Variants in MTMR9 observed in about 807,000 individuals in gnomAD.
MTMR9 encodes myotubularin related protein 9.
MTMR9 carries 39 observed loss-of-function variants against 69.5 expected under a neutral mutation model. The observed-to-expected ratio is 0.56, with a 90% CI of 0.43 to 0.73. MTMR9 has a LOEUF of 0.73. Among genes scored for constraint, MTMR9 ranks in the 30% least tolerant of loss-of-function variants. The pLI is 0.00. For missense variants in MTMR9, 900 were observed against 671.2 expected, an observed-to-expected ratio of 1.34 and a Z score of -3.77; for synonymous variants, 354 against 240.8, an observed-to-expected ratio of 1.47 and a Z score of -4.35.
At chr8:11,316,944 C>T (rs1800446237) in intron 8 of MTMR9, 51 bp downstream of exon 8, 2 of 1,288,962 alleles carry the variant, frequency 1.6e-6, no homozygotes, top group African/African-American at 1.5e-5. Context: ...GTTTTGGCTA[C>T]TTCCTAAGTA....
chr8:11,303,810 A>T (rs1251407922), intron 3 of MTMR9, among the ~76,000 whole-genome samples: 1 of 152,208 alleles, frequency 6.6e-6, no homozygotes. Flanking sequence ...CCGGGATGAT[A>T]GGTGTGAACC....
chr8:11,309,741 T>G, intron 6 of MTMR9, 53 bp downstream of exon 6: 1 of 1,586,902 alleles, frequency 6.3e-7, no homozygotes, highest in Non-Finnish European at 8.6e-7. Flanking sequence ...TAACTAGACT[T>G]TGTGTTTATC....
intron 5 of MTMR9, among the ~76,000 whole-genome samples, chr8:11,306,686 A>AT (rs754056380): frequency 4.2e-4 from 64 of 152,182 alleles, no homozygotes; most frequent in South Asian, 6.2e-4. Flanking sequence ...CATAGTTATC[A>AT]TTTTTTTGGA....
At position 11,298,382 on chromosome 8, in the gene MTMR9, AAT is replaced by A. The variant is rs113127569; in HGVS notation, c.292-1626_292-1625del. Among the ~76,000 whole-genome samples the A allele has an allele frequency of 2.3e-3, 346 of 150,502 alleles. 2 individuals are homozygous for A. Among genetic ancestry groups the A allele is most frequent in the African/African-American group, 7.4e-3 (306 of 41,100 alleles). The stretch of plus-strand genomic sequence containing the variant: ...CCAAAGACAGTATAGATGTAGGAAA[AAT>A]ATATATATATATATTTATATGGATA... On this transcript the variant is annotated intron_variant, in intron 2 of 9. Coordinates refer to ENST00000221086, the MANE Select transcript of MTMR9 (RefSeq NM_015458.4).
chr8:11,291,692 C>T (rs1799385370), intron 1 of MTMR9, among the ~76,000 whole-genome samples: 1 of 151,904 alleles, frequency 6.6e-6, no homozygotes, highest in African/African-American at 2.4e-5. Context: ...ATAGCAACTA[C>T]ATAAAACCTG....
intron 3 of MTMR9, among the ~76,000 whole-genome samples, chr8:11,303,163 A>G (rs1026209732): frequency 1.4e-5 from 2 of 148,124 alleles, no homozygotes; most frequent in African/African-American, 5.0e-5. Flanking sequence ...GAAGAACAAA[A>G]AGGTGAGAGG....
In MTMR9 at chr8:11,325,996, G is replaced by A. The variant is rs3779891; in HGVS notation, c.*3208G>A. ...TTGAACTTTGAGGCCTGATTTAGGG[G>A]TGGGATTTTATTGCTTTTTGTTTTA... is the stretch of plus-strand genomic sequence containing the variant. On this transcript the variant is annotated 3_prime_UTR_variant, in exon 10 of 10. Coordinates refer to ENST00000221086, the MANE Select transcript of MTMR9 (RefSeq NM_015458.4). 0.4 allele frequency: 61,327 copies of A among 152,012 alleles called. 13,942 individuals carry two copies. Among genetic ancestry groups the A allele is most frequent in the East Asian group, 0.73 (3,779 of 5,174 alleles). 9.4% of individuals were successfully genotyped at this position (152,012 alleles called of 1,614,324 possible).
At chr8:11,335,790 G>T in the MTMR9 span, among the ~76,000 whole-genome samples, 2 of 152,122 alleles carry the variant, frequency 1.3e-5, no homozygotes, top group Non-Finnish European at 2.9e-5. Context: ...CTCCCTGTGT[G>T]CATGTCTCTG....
chr8:11,300,133 A>G lies in MTMR9; in HGVS notation c.402A>G (p.Glu134=). Reference sequence around the variant, plus strand: ...CCTTCCTTCCTGAGCAAGAATTTGAACTCTATTCTTCAGCTGTGAGTTAAC... The same window carrying G: ...CCTTCCTTCCTGAGCAAGAATTTGAGCTCTATTCTTCAGCTGTGAGTTAAC... ...WHSFLPEQEF[E]LYSSATSEWR... is the part of the protein sequence containing the mutation. Residue 134 remains glutamate, a synonymous_variant, in exon 3 of 10, where the codon GAA becomes GAG. Coordinates refer to ENST00000221086, the MANE Select transcript of MTMR9 (RefSeq NM_015458.4). The G allele has an allele frequency of 6.2e-7, 1 of 1,612,982 alleles. No homozygotes were observed. The highest frequency in any genetic ancestry group is 8.5e-7 in the Non-Finnish European group (1 of 1,179,306).
chr8:11,285,351 G>C (rs1799110448), intron 1 of MTMR9: 1 of 331,282 alleles, frequency 3.0e-6, no homozygotes, highest in Non-Finnish European at 5.5e-6. Flanking sequence ...TTTCGGCATT[G>C]TCTTTATAAA....
the MTMR9 span, among the ~76,000 whole-genome samples, chr8:11,334,220 GGTAAA>G: frequency 6.6e-6 from 1 of 152,098 alleles, no homozygotes; most frequent in East Asian, 1.9e-4. Flanking sequence ...CTAAGACACT[GGTAAA>G]GTAAATACAA....
At chr8:11,302,380 G>A (rs1799780996) in intron 3 of MTMR9, among the ~76,000 whole-genome samples, 1 of 148,706 alleles carries the variant, frequency 6.7e-6, no homozygotes, top group Non-Finnish European at 1.5e-5. Flanking sequence ...GAACCCTTAA[G>A]CTGAGGTATC....
intron 3 of MTMR9, among the ~76,000 whole-genome samples, chr8:11,304,542 G>A (rs1481851203): frequency 6.6e-6 from 1 of 152,192 alleles, no homozygotes; most frequent in Non-Finnish European, 1.5e-5. Context: ...CTTGTACGGT[G>A]TTGTCTGAAA....
At chr8:11,297,802 G>C in intron 2 of MTMR9, 1 of 451,702 alleles carries the variant, frequency 2.2e-6, no homozygotes, top group East Asian at 7.0e-5. Flanking sequence ...CGTAAATTAT[G>C]AGCTCATTTG....
At chr8:11,317,106 C>G in intron 8 of MTMR9, 1 of 367,978 alleles carries the variant, frequency 2.7e-6, no homozygotes, top group Non-Finnish European at 4.8e-6. Context: ...TAAAATTAGT[C>G]CATACGTGAA....
chr8:11,331,432 T>G, downstream of MTMR9: 1 of 1,614,036 alleles, frequency 6.2e-7, no homozygotes. Flanking sequence ...TTCTGTGCCC[T>G]GCTCAACGTC....
chr8:11,317,941 A>G (rs537234611), intron 8 of MTMR9: 15 of 152,258 alleles, frequency 9.9e-5, no homozygotes, highest in African/African-American at 3.1e-4. Flanking sequence ...TCTATAGCCA[A>G]GGAAGTTTGG....
In MTMR9 at chr8:11,323,673, TG is replaced by T. The variant is rs1263046735; in HGVS notation, c.*886del. ...TCTTAAACCAGAGATGCACTGCCCTTGTCTAAAGTTCTTATTGCACTGGTTT... is the reference window on the plus strand; with the variant it reads ...TCTTAAACCAGAGATGCACTGCCCTTTCTAAAGTTCTTATTGCACTGGTTT... On this transcript the variant is annotated 3_prime_UTR_variant, in exon 10 of 10. Coordinates refer to ENST00000221086, the MANE Select transcript of MTMR9 (RefSeq NM_015458.4). The T allele has an allele frequency of 6.6e-6, 1 of 152,236 alleles. No homozygotes were observed. Among genetic ancestry groups the T allele is most frequent in the Non-Finnish European group, 1.5e-5 (1 of 68,038 alleles). The allele number at this position is 152,236 out of a possible 1,614,324, so 9.4% of individuals were successfully genotyped here.
intron 5 of MTMR9, among the ~76,000 whole-genome samples, chr8:11,307,122 A>G (rs1563276769): frequency 6.6e-6 from 1 of 152,134 alleles, no homozygotes; most frequent in Non-Finnish European, 1.5e-5. Context: ...GCCAGGCTGG[A>G]GTGCAGTGGC....
Sources: gnomAD v4.1 joint callset for allele counts (sites outside exome capture counted in the v4.1 genomes callset) on GRCh38, gnomAD v4.1.1 for gene constraint, MANE v1.5 for transcripts, NCBI Gene and HGNC (gene_info 2026-07-23, HGNC 2026-07-21) for gene names.